Variants in NRXN3 observed in about 807,000 individuals in gnomAD.
The protein encoded by NRXN3 is neurexin 3.
NRXN3 carries 32 observed loss-of-function variants against 137.6 expected under a neutral mutation model. The observed-to-expected ratio is 0.23, with a 90% CI of 0.18 to 0.31. The LOEUF is 0.31. Among genes scored for constraint, NRXN3 ranks in the 10% least tolerant of loss-of-function variants. NRXN3 has a pLI of 1.00. For missense variants in NRXN3, 1,574 were observed against 2,062.5 expected (o/e 0.76, Z 4.59); for synonymous variants, 798 against 784.5 (o/e 1.02, Z -0.29).
At chr14:78,198,407 G>C (rs1428446236) in intron 1 of NRXN3, among the ~76,000 whole-genome samples, 11 of 152,196 alleles carry the variant, frequency 7.2e-5, no homozygotes, top group Admixed American at 2.0e-4. Context: ...TGATTGTTCT[G>C]CTCCCTCAGG....
intron 16 of NRXN3, among the ~76,000 whole-genome samples, chr14:79,521,004 C>T (rs1372937244): frequency 6.6e-6 from 1 of 152,120 alleles, no homozygotes; most frequent in African/African-American, 2.4e-5. Context: ...ATAGCAAAGA[C>T]TTGGAACCAA....
chr14:78,959,526 G>A (rs908194992), intron 11 of NRXN3, among the ~76,000 whole-genome samples: 3 of 152,102 alleles, frequency 2.0e-5, no homozygotes, highest in African/African-American at 7.2e-5. Flanking sequence ...ACTTACAGGA[G>A]GTAGGCCACA....
chr14:79,745,897 T>G (rs1603460351), intron 19 of NRXN3, among the ~76,000 whole-genome samples: 1 of 152,104 alleles, frequency 6.6e-6, no homozygotes, highest in Non-Finnish European at 1.5e-5. Context: ...GTGTGCCCCT[T>G]TCTTCATATG....
chr14:78,851,674 G>T (rs146806264), intron 10 of NRXN3, among the ~76,000 whole-genome samples: 1 of 152,158 alleles, frequency 6.6e-6, no homozygotes. Context: ...ATCAAGCTGG[G>T]GAGGCCAGGC....
At chr14:78,422,674 C>G (rs1185723673) in intron 4 of NRXN3, among the ~76,000 whole-genome samples, 2 of 152,150 alleles carry the variant, frequency 1.3e-5, no homozygotes, top group African/African-American at 2.4e-5. Flanking sequence ...GACCATGTGC[C>G]CAGCACAATG....
chr14:79,464,210 A>G (rs1266082573), intron 15 of NRXN3, among the ~76,000 whole-genome samples: 1 of 152,122 alleles, frequency 6.6e-6, no homozygotes, highest in Non-Finnish European at 1.5e-5. Context: ...CCAAGAATAG[A>G]TATTTTCATA....
At chr14:78,922,815 A>G (rs948859096) in intron 10 of NRXN3, among the ~76,000 whole-genome samples, 2 of 152,176 alleles carry the variant, frequency 1.3e-5, no homozygotes, top group South Asian at 2.1e-4. Flanking sequence ...ATGTTTACCT[A>G]TGTAACAAAC....
intron 8 of NRXN3, among the ~76,000 whole-genome samples, chr14:78,768,715 A>T (rs2098717099): frequency 6.6e-6 from 1 of 152,200 alleles, no homozygotes; most frequent in South Asian, 2.1e-4. Flanking sequence ...AGTACACAGT[A>T]AGCATATAGT....
intron 16 of NRXN3, among the ~76,000 whole-genome samples, chr14:79,498,232 C>G (rs1448947118): frequency 6.6e-6 from 1 of 152,162 alleles, no homozygotes; most frequent in Non-Finnish European, 1.5e-5. Flanking sequence ...ATCTCATAAA[C>G]CTACTTACTC....
intron 15 of NRXN3, among the ~76,000 whole-genome samples, chr14:79,129,863 T>A (rs2057172154): frequency 3.7e-5 from 5 of 136,778 alleles, no homozygotes. Context: ...TGGGTGCTCC[T>A]GTATTGGGTG....
chr14:78,242,110 T>C (rs935460103), intron 1 of NRXN3, among the ~76,000 whole-genome samples: 1 of 152,188 alleles, frequency 6.6e-6, no homozygotes, highest in Admixed American at 6.5e-5. Context: ...AATGTGACCT[T>C]GTGATGTGAA....
chr14:78,324,667 T>C (rs1269506770), intron 4 of NRXN3, among the ~76,000 whole-genome samples: 1 of 151,984 alleles, frequency 6.6e-6, no homozygotes, highest in African/African-American at 2.4e-5. Flanking sequence ...GAAAAGCAAA[T>C]CACAGTTCTA....
chr14:78,940,141 C>T (rs888366489), intron 10 of NRXN3, among the ~76,000 whole-genome samples: 3 of 152,168 alleles, frequency 2.0e-5, no homozygotes, highest in African/African-American at 7.2e-5. Context: ...AAATGCCCTC[C>T]ACTACCCTAC....
chr14:79,229,463 C>A (rs2071713963), intron 15 of NRXN3, among the ~76,000 whole-genome samples: 1 of 152,182 alleles, frequency 6.6e-6, no homozygotes, highest in Non-Finnish European at 1.5e-5. Context: ...TCACCACACT[C>A]CCTGAAGTCT....
chr14:79,404,190 T>G (rs1599786001), intron 15 of NRXN3, among the ~76,000 whole-genome samples: 1 of 152,284 alleles, frequency 6.6e-6, no homozygotes, highest in East Asian at 1.9e-4. Flanking sequence ...GGAGAGAATG[T>G]TTGCACACTG....
At chr14:78,617,529 C>T (rs1390549734) in intron 4 of NRXN3, among the ~76,000 whole-genome samples, 1 of 152,160 alleles carries the variant, frequency 6.6e-6, no homozygotes, top group Non-Finnish European at 1.5e-5. Context: ...GGTTGAATCC[C>T]TTCAGGAGGA....
At chr14:78,792,227 G>T (rs1461990933) in intron 8 of NRXN3, among the ~76,000 whole-genome samples, 1 of 23,050 alleles carries the variant, frequency 4.3e-5, no homozygotes, top group Non-Finnish European at 8.3e-5. Flanking sequence ...CAAATTATCT[G>T]AAAGGAAAAG....
intron 4 of NRXN3, among the ~76,000 whole-genome samples, chr14:78,372,024 T>C (rs2086919716): frequency 6.6e-6 from 1 of 152,174 alleles, no homozygotes; most frequent in Non-Finnish European, 1.5e-5. Flanking sequence ...CTTAATATTG[T>C]ACACACAATG....
At chr14:79,421,735 G>A (rs1266628932) in intron 15 of NRXN3, among the ~76,000 whole-genome samples, 2 of 152,144 alleles carry the variant, frequency 1.3e-5, no homozygotes, top group Non-Finnish European at 2.9e-5. Context: ...TCAGGCAGGT[G>A]CAACATGGCA....
Sources: allele counts gnomAD v4.1 joint callset (sites outside exome capture counted in the v4.1 genomes callset), GRCh38; gene constraint gnomAD v4.1.1; transcripts MANE v1.5; gene names NCBI Gene and HGNC (gene_info 2026-07-23, HGNC 2026-07-21).